SYNE1: variants seen among roughly 807,000 people sequenced by gnomAD.
The protein encoded by SYNE1 is nesprin-1.
A neutral mutation model predicts 1,111.0 loss-of-function variants in SYNE1; 616 were observed. That is an observed-to-expected ratio of 0.55 (90% CI 0.52 to 0.59). The LOEUF (loss-of-function observed/expected upper bound fraction) is 0.59, where lower values mean the gene tolerates loss of function less well. Among genes scored for constraint, SYNE1 ranks in the 20% least tolerant of loss-of-function variants. The probability of loss-of-function intolerance (pLI) is 0.00; values close to 1 mark genes in which losing one functional copy is unlikely to be tolerated. For synonymous variants in SYNE1, 3,855 were observed against 3,825.8 expected (o/e 1.01, Z -0.28); for missense variants, 10,006 against 10,417.0 (o/e 0.96, Z 1.72).
chr6:152,339,203 AAAAC>A, intron 75 of SYNE1, 34 bp downstream of exon 75: 1 of 1,609,784 alleles, frequency 6.2e-7, no homozygotes, highest in Non-Finnish European at 8.5e-7. Flanking sequence ...AGAATATAAT[AAAAC>A]AAACAAATTC....
At chr6:152,633,215 T>C (rs1224742538) in intron 2 of SYNE1, among the ~76,000 whole-genome samples, 1 of 152,184 alleles carries the variant, frequency 6.6e-6, no homozygotes, top group Admixed American at 6.5e-5. Flanking sequence ...ATTGGAGAAT[T>C]TGATGGACAT....
chr6:152,276,498 C>T (rs1298047504), intron 98 of SYNE1, among the ~76,000 whole-genome samples: 1 of 151,866 alleles, frequency 6.6e-6, no homozygotes, highest in Non-Finnish European at 1.5e-5. Context: ...ATCATATCAT[C>T]AGCAAAAAGC....
At position 152,425,381 on chromosome 6, in the gene SYNE1, C is replaced by T. The variant is rs1320406415; in HGVS notation, c.5267G>A (p.Arg1756Lys). Residue 1756 changes from arginine (R) to lysine (K), a missense_variant and splice_region_variant, in exon 39 of 146, where the codon AGG becomes AAG. Coordinates refer to ENST00000367255, the MANE Select transcript of SYNE1 (RefSeq NM_182961.4). The part of the protein sequence containing the change: ...WRDLPQIINK[R>K]INFLQSVVAE... Reference sequence around the variant, plus strand: ...AGAAGATTTATCTTTTAGAACCAACCTTTTGTTAATGATCTGTGGTAAATC... The same window carrying T: ...AGAAGATTTATCTTTTAGAACCAACTTTTTGTTAATGATCTGTGGTAAATC... 2 of 1,613,816 alleles carry T rather than the reference C, an allele frequency of 1.2e-6. No homozygotes were observed. The highest frequency in any genetic ancestry group is 8.5e-7 in the Non-Finnish European group (1 of 1,179,842).
At chr6:152,320,202 T>C (rs1398125743) in intron 84 of SYNE1, 1 of 152,172 alleles carries the variant, frequency 6.6e-6, no homozygotes, top group Admixed American at 6.5e-5. Context: ...TCCTTCCCAG[T>C]AGATCTTCCA....
chr6:152,182,851 T>C (rs887062723), intron 128 of SYNE1, among the ~76,000 whole-genome samples: 2 of 152,200 alleles, frequency 1.3e-5, no homozygotes, highest in African/African-American at 4.8e-5. Flanking sequence ...TTTGATTCAA[T>C]TATGATCTTT....
chr6:152,526,702 G>A (rs2154354313), intron 4 of SYNE1, among the ~76,000 whole-genome samples: 1 of 152,280 alleles, frequency 6.6e-6, no homozygotes, highest in South Asian at 2.1e-4. Context: ...TAAGGTTGCA[G>A]GTTCAATCTT....
intron 12 of SYNE1, among the ~76,000 whole-genome samples, chr6:152,486,178 C>T (rs1202580238): frequency 6.6e-6 from 1 of 150,752 alleles, no homozygotes; most frequent in Non-Finnish European, 1.5e-5. Flanking sequence ...TCCAGCTTGG[C>T]GACAGAGTGA....
intron 127 of SYNE1, among the ~76,000 whole-genome samples, chr6:152,195,362 T>C (rs1339537464): frequency 6.6e-6 from 1 of 152,262 alleles, no homozygotes; most frequent in Non-Finnish European, 1.5e-5. Context: ...AGATGTTTGC[T>C]GGTGTCTTCG....
chr6:152,580,340 C>A (rs2099515269), intron 3 of SYNE1, among the ~76,000 whole-genome samples: 1 of 152,104 alleles, frequency 6.6e-6, no homozygotes, highest in Non-Finnish European at 1.5e-5. Context: ...ATGTCCTTTG[C>A]CCATTTTTCA....
chr6:152,357,932 G>A (rs967078928), intron 66 of SYNE1, among the ~76,000 whole-genome samples: 1 of 152,026 alleles, frequency 6.6e-6, no homozygotes. Context: ...CTCTGAGCCC[G>A]AACCGGTACC....
intron 81 of SYNE1, among the ~76,000 whole-genome samples, chr6:152,324,476 T>C (rs2095990275): frequency 6.6e-6 from 1 of 151,794 alleles, no homozygotes; most frequent in Non-Finnish European, 1.5e-5. Flanking sequence ...AGAAAAAGTA[T>C]CTCATTCTTT....
chr6:152,272,832 G>A (rs921685291), intron 98 of SYNE1, among the ~76,000 whole-genome samples: 7 of 152,168 alleles, frequency 4.6e-5, no homozygotes, highest in East Asian at 1.9e-4. Context: ...GCTGAGGGCT[G>A]CATTTAATGG....
intron 127 of SYNE1, 93 bp downstream of exon 127, chr6:152,201,731 T>C: frequency 6.3e-7 from 1 of 1,585,968 alleles, no homozygotes; most frequent in Non-Finnish European, 8.7e-7. Flanking sequence ...TATCTGCATG[T>C]AGATAACCTA....
intron 3 of SYNE1, among the ~76,000 whole-genome samples, chr6:152,586,118 G>A (rs981439280): frequency 2.0e-5 from 3 of 152,198 alleles, no homozygotes; most frequent in Admixed American, 6.5e-5. Context: ...TGGTTGGCAA[G>A]TATATTCCAA....
At chr6:152,261,468 A>G (rs1020402586) in intron 101 of SYNE1, among the ~76,000 whole-genome samples, 3 of 152,188 alleles carry the variant, frequency 2.0e-5, no homozygotes, top group Middle Eastern at 3.2e-3. Context: ...GGTGGAACCA[A>G]GCCCGACAGC....
chr6:152,326,114 C>CCAACAGA lies in SYNE1; in HGVS notation c.15294-19_15294-13dup. ...ATTGAGCTGTGCATCTTGAAAGAGTCCAACAGAAACTGATAAGTAGCACGA... is the reference window on the plus strand; with the variant it reads ...ATTGAGCTGTGCATCTTGAAAGAGTCCAACAGACAACAGAAACTGATAAGTAGCACGA... On this transcript the variant is annotated splice_polypyrimidine_tract_variant and intron_variant, in intron 79 of 145. Coordinates refer to ENST00000367255, the MANE Select transcript of SYNE1 (RefSeq NM_182961.4). 6.2e-7 allele frequency: 1 copy of CCAACAGA among 1,614,048 alleles called. No individual in the cohort carries two copies. The highest frequency in any genetic ancestry group is 8.5e-7 in the Non-Finnish European group (1 of 1,180,030).
chr6:152,268,927 T>C (rs1023048425), intron 99 of SYNE1, among the ~76,000 whole-genome samples: 1 of 152,234 alleles, frequency 6.6e-6, no homozygotes, highest in African/African-American at 2.4e-5. Context: ...ACACTATTTG[T>C]AAACCTAAAC....
chr6:152,556,597 G>C lies in SYNE1; in HGVS notation c.68-16576C>G, dbSNP rs547035328. Among the ~76,000 whole-genome samples, 6 of 152,240 alleles carry C rather than the reference G, an allele frequency of 3.9e-5. No individual in the cohort carries two copies. In the South Asian group the frequency reaches 1.2e-3, roughly 32 times the overall value. ...TTTTAGGCCATCCTCCACAGACCCA[G>C]TCTCCAGGCCCACCACAATGGACCA... is the stretch of plus-strand genomic sequence containing the variant. On this transcript the variant is annotated intron_variant, in intron 3 of 145. Coordinates refer to ENST00000367255, the MANE Select transcript of SYNE1 (RefSeq NM_182961.4).
At chr6:152,381,473 G>A in intron 55 of SYNE1, 111 bp from the exon 56 acceptor site, 1 of 1,028,820 alleles carries the variant, frequency 9.7e-7, no homozygotes, top group Non-Finnish European at 1.5e-6. Flanking sequence ...TTTAACAAGT[G>A]TGCCACAAGG....
Sources: gnomAD v4.1 joint callset for allele counts (sites outside exome capture counted in the v4.1 genomes callset) on GRCh38, gnomAD v4.1.1 for gene constraint, MANE v1.5 for transcripts, NCBI Gene and HGNC (gene_info 2026-07-23, HGNC 2026-07-21) for gene names.